PTPRD: variants seen among roughly 807,000 people sequenced by gnomAD.
PTPRD encodes the protein receptor-type tyrosine-protein phosphatase delta.
In PTPRD, 34 loss-of-function variants were observed where a neutral mutation model predicts 214.5. The observed-to-expected ratio is 0.16, with a 90% CI of 0.12 to 0.21. The LOEUF is 0.21. PTPRD is among the 10% of genes least tolerant of loss of function. PTPRD has a pLI of 1.00. For missense variants in PTPRD, 2,545 were observed against 2,398.7 expected, an observed-to-expected ratio of 1.06 and a Z score of -1.27; for synonymous variants, 1,128 against 845.7, an observed-to-expected ratio of 1.33 and a Z score of -5.79.
intron 9 of PTPRD, among the ~76,000 whole-genome samples, chr9:9,304,763 T>C (rs552452556): frequency 5.3e-5 from 8 of 151,690 alleles, no homozygotes; most frequent in African/African-American, 1.7e-4. Flanking sequence ...GCCTGGCTGC[T>C]GGCCTAATGG....
intron 6 of PTPRD, among the ~76,000 whole-genome samples, chr9:9,753,847 C>T (rs985684368): frequency 6.6e-5 from 10 of 151,938 alleles, no homozygotes; most frequent in African/African-American, 1.7e-4. Flanking sequence ...CTTTTTCATG[C>T]CCCTATCCTT....
chr9:10,386,690 AC>A (rs1162305541), intron 2 of PTPRD, among the ~76,000 whole-genome samples: 1 of 151,870 alleles, frequency 6.6e-6, no homozygotes, highest in African/African-American at 2.4e-5. Flanking sequence ...AAACAAACAA[AC>A]AAAAAACAGA....
At chr9:10,333,925 A>T (rs2096796593) in intron 3 of PTPRD, among the ~76,000 whole-genome samples, 1 of 151,832 alleles carries the variant, frequency 6.6e-6, no homozygotes, top group Admixed American at 6.6e-5. Flanking sequence ...GTTGTTGAAG[A>T]AAATTTCCCT....
intron 3 of PTPRD, among the ~76,000 whole-genome samples, chr9:10,337,522 G>C (rs559915849): frequency 2.0e-5 from 3 of 151,602 alleles, no homozygotes; most frequent in Non-Finnish European, 4.4e-5. Context: ...TGGAGGTTGT[G>C]CTCTAACAAA....
At chr9:10,555,341 T>G (rs1478890819) in intron 2 of PTPRD, among the ~76,000 whole-genome samples, 1 of 152,162 alleles carries the variant, frequency 6.6e-6, no homozygotes, top group Non-Finnish European at 1.5e-5. Flanking sequence ...CGCAAAACGT[T>G]TTATCATATA....
intron 36 of PTPRD, among the ~76,000 whole-genome samples, chr9:8,395,781 C>G (rs185327811): frequency 6.6e-6 from 1 of 152,034 alleles, no homozygotes; most frequent in African/African-American, 2.4e-5. Context: ...TTTTCCATAC[C>G]CCCACACTGC....
chr9:9,609,899 TA>T (rs1460908952), intron 7 of PTPRD, among the ~76,000 whole-genome samples: 1 of 152,190 alleles, frequency 6.6e-6, no homozygotes, highest in South Asian at 2.1e-4. Context: ...AACTAATTTA[TA>T]AAAAAATAAG....
intron 3 of PTPRD, among the ~76,000 whole-genome samples, chr9:10,217,581 A>T (rs531679757): frequency 6.6e-6 from 1 of 151,986 alleles, no homozygotes; most frequent in Non-Finnish European, 1.5e-5. Context: ...CACCACCAGT[A>T]TATCTCAGTT....
At chr9:9,447,944 A>C (rs1202553701) in intron 8 of PTPRD, among the ~76,000 whole-genome samples, 1 of 152,110 alleles carries the variant, frequency 6.6e-6, no homozygotes, top group African/African-American at 2.4e-5. Context: ...CTCAGAAGCC[A>C]GGCCACATAG....
chr9:8,570,834 A>G (rs1347965766), intron 14 of PTPRD, among the ~76,000 whole-genome samples: 1 of 151,980 alleles, frequency 6.6e-6, no homozygotes, highest in Non-Finnish European at 1.5e-5. Flanking sequence ...AAAAGCACAT[A>G]TATTTTATGC....
At chr9:8,328,830 C>G (rs1836689477) in intron 44 of PTPRD, among the ~76,000 whole-genome samples, 1 of 152,066 alleles carries the variant, frequency 6.6e-6, no homozygotes, top group African/African-American at 2.4e-5. Context: ...GCTATTGATA[C>G]TTGCGTATGC....
At chr9:9,977,341 T>C (rs1297713393) in intron 4 of PTPRD, among the ~76,000 whole-genome samples, 3 of 152,324 alleles carry the variant, frequency 2.0e-5, no homozygotes, top group East Asian at 1.9e-4. Flanking sequence ...CAAGGCCCTA[T>C]TGGCACCCTA....
chr9:8,643,147 C>G (rs1225264205), intron 12 of PTPRD, among the ~76,000 whole-genome samples: 5 of 152,032 alleles, frequency 3.3e-5, no homozygotes, highest in Non-Finnish European at 7.4e-5. Context: ...CCCAAAACCA[C>G]CTGTTAGTTT....
intron 4 of PTPRD, among the ~76,000 whole-genome samples, chr9:9,961,718 T>G (rs1412709244): frequency 6.6e-6 from 1 of 152,126 alleles, no homozygotes; most frequent in East Asian, 1.9e-4. Flanking sequence ...GACAATCAGA[T>G]AAGATGATGA....
intron 11 of PTPRD, among the ~76,000 whole-genome samples, chr9:8,795,808 T>C (rs1314847919): frequency 6.6e-6 from 1 of 152,170 alleles, no homozygotes; most frequent in Non-Finnish European, 1.5e-5. Flanking sequence ...CTGTTCACTA[T>C]GTAACATATA....
intron 11 of PTPRD, among the ~76,000 whole-genome samples, chr9:8,928,690 A>G (rs1175165380): frequency 6.6e-6 from 1 of 152,118 alleles, no homozygotes; most frequent in Admixed American, 6.5e-5. Context: ...TTTTTGTTCC[A>G]TATGAAATTT....
chr9:10,248,349 C>A (rs945290130), intron 3 of PTPRD, among the ~76,000 whole-genome samples: 8 of 151,868 alleles, frequency 5.3e-5, no homozygotes, highest in Non-Finnish European at 1.5e-5. Context: ...ATTCTACAAC[C>A]TCTAAGTTAG....
chr9:9,007,178 A>G (rs778304312), intron 11 of PTPRD, among the ~76,000 whole-genome samples: 25 of 151,910 alleles, frequency 1.6e-4, no homozygotes, highest in Non-Finnish European at 3.5e-4. Flanking sequence ...TGAGGTTATG[A>G]GTAGAGGTAT....
intron 44 of PTPRD, among the ~76,000 whole-genome samples, chr9:8,327,031 CTTCAGTTCTGTAGTG>C (rs750675600): frequency 0.011 from 1,529 of 143,156 alleles, 42 homozygotes; most frequent in South Asian, 0.064. Flanking sequence ...TCTCTATCTC[CTTCAGTTCTGTAGTG>C]TTCTTAGTTA....
Sources: gnomAD v4.1 joint callset for allele counts (sites outside exome capture counted in the v4.1 genomes callset) on GRCh38, gnomAD v4.1.1 for gene constraint, MANE v1.5 for transcripts, NCBI Gene and HGNC (gene_info 2026-07-23, HGNC 2026-07-21) for gene names.